FBXL7: variants seen among roughly 807,000 people sequenced by gnomAD.
FBXL7 encodes the protein F-box and leucine rich repeat protein 7, also known as F-box/LRR-repeat protein 7.
A neutral mutation model predicts 38.3 loss-of-function variants in FBXL7; 12 were observed. The observed-to-expected ratio is 0.31, with a 90% CI of 0.20 to 0.51. The LOEUF (loss-of-function observed/expected upper bound fraction) is 0.51. Among genes scored for constraint, FBXL7 ranks in the 20% least tolerant of loss-of-function variants. FBXL7 has a pLI of 0.98. For synonymous variants in FBXL7, 297 were observed against 300.9 expected (o/e 0.99, Z 0.13); for missense variants, 567 against 676.4 (o/e 0.84, Z 1.79).
chr5:15,744,487 C>T (rs1735965263), intron 2 of FBXL7, among the ~76,000 whole-genome samples: 1 of 152,172 alleles, frequency 6.6e-6, no homozygotes, highest in Non-Finnish European at 1.5e-5. Context: ...GACCATTCAA[C>T]AAGTCTCTAG....
chr5:15,617,506 G>C (rs369336947), intron 2 of FBXL7, among the ~76,000 whole-genome samples: 2 of 151,836 alleles, frequency 1.3e-5, no homozygotes, highest in African/African-American at 4.8e-5. Context: ...GCCCAGACTA[G>C]GGTGGAGTGC....
At chr5:15,921,023 G>A (rs142176981) in intron 2 of FBXL7, among the ~76,000 whole-genome samples, 16 of 151,968 alleles carry the variant, frequency 1.1e-4, no homozygotes, top group Non-Finnish European at 2.1e-4. Flanking sequence ...GTCTTTCCTC[G>A]AGAGGAAATT....
intron 2 of FBXL7, among the ~76,000 whole-genome samples, chr5:15,830,767 G>C (rs996381867): frequency 2.0e-5 from 3 of 152,114 alleles, no homozygotes; most frequent in Non-Finnish European, 2.9e-5. Flanking sequence ...GGCCAGTTTT[G>C]CTCCCTATTG....
chr5:15,899,784 G>T (rs1741190981), intron 2 of FBXL7, among the ~76,000 whole-genome samples: 1 of 152,130 alleles, frequency 6.6e-6, no homozygotes, highest in Non-Finnish European at 1.5e-5. Context: ...AGACCTTCCT[G>T]CAAATAACTG....
At chr5:15,519,238 G>C (rs779943388) in intron 1 of FBXL7, among the ~76,000 whole-genome samples, 1 of 152,068 alleles carries the variant, frequency 6.6e-6, no homozygotes, top group Non-Finnish European at 1.5e-5. Context: ...CAGCTACCTA[G>C]AGGCTGAGGC....
intron 2 of FBXL7, among the ~76,000 whole-genome samples, chr5:15,770,030 G>A (rs1736687257): frequency 1.3e-5 from 2 of 152,100 alleles, no homozygotes; most frequent in Admixed American, 1.3e-4. Flanking sequence ...TTTTACAATA[G>A]TATTGACTTT....
chr5:15,685,807 T>G (rs1742999016), intron 2 of FBXL7, among the ~76,000 whole-genome samples: 1 of 152,226 alleles, frequency 6.6e-6, no homozygotes, highest in Non-Finnish European at 1.5e-5. Flanking sequence ...AGCTTAGCAG[T>G]ATGCCTGGCA....
intron 2 of FBXL7, among the ~76,000 whole-genome samples, chr5:15,840,081 A>G (rs1487629435): frequency 1.3e-5 from 2 of 152,140 alleles, no homozygotes; most frequent in African/African-American, 4.8e-5. Context: ...ATTATTTCTT[A>G]GGCTGAAATG....
chr5:15,740,159 T>C (rs1396152816), intron 2 of FBXL7, among the ~76,000 whole-genome samples: 1 of 152,192 alleles, frequency 6.6e-6, no homozygotes, highest in Admixed American at 6.5e-5. Flanking sequence ...ACCCCATAAC[T>C]GCTTTCTTAG....
At chr5:15,607,590 C>G (rs940462796) in intron 1 of FBXL7, among the ~76,000 whole-genome samples, 2 of 152,126 alleles carry the variant, frequency 1.3e-5, no homozygotes, top group African/African-American at 4.8e-5. Context: ...AAGGACTCCC[C>G]ATTAAATGAA....
chr5:15,894,245 G>C (rs1741025364), intron 2 of FBXL7, among the ~76,000 whole-genome samples: 1 of 152,214 alleles, frequency 6.6e-6, no homozygotes, highest in South Asian at 2.1e-4. Context: ...TGGGCAACAA[G>C]AGTAAAACTC....
At chr5:15,731,497 A>G (rs1735582560) in intron 2 of FBXL7, among the ~76,000 whole-genome samples, 1 of 152,132 alleles carries the variant, frequency 6.6e-6, no homozygotes, top group African/African-American at 2.4e-5. Context: ...AACTCATGGG[A>G]ATTCTGGGAG....
At chr5:15,870,948 G>A (rs1032526469) in intron 2 of FBXL7, among the ~76,000 whole-genome samples, 15 of 152,192 alleles carry the variant, frequency 9.9e-5, no homozygotes, top group Non-Finnish European at 1.5e-4. Context: ...CCAGCACAGC[G>A]TTCAAGCTCT....
intron 2 of FBXL7, among the ~76,000 whole-genome samples, chr5:15,881,099 C>A (rs866684889): frequency 2.6e-5 from 4 of 151,886 alleles, no homozygotes; most frequent in Non-Finnish European, 5.9e-5. Flanking sequence ...TGAATAAGTT[C>A]TTTAGTGGTG....
At position 15,790,265 on chromosome 5, in the gene FBXL7, A is replaced by T. The variant is rs939490107; in HGVS notation, c.128-137625A>T. Among the ~76,000 whole-genome samples the T allele has an allele frequency of 2.6e-5, 4 of 152,246 alleles. No homozygotes were observed. The East Asian group carries it at 7.7e-4, about 29-fold the overall frequency. On this transcript the variant is annotated intron_variant, in intron 2 of 3. Coordinates refer to ENST00000504595, the MANE Select transcript of FBXL7 (RefSeq NM_012304.5). ...ATGCTGGTGTCTCTTAGGTAGATGGAAGCTTTCCTCTGAGCACAGAATCTG... is the reference window on the plus strand; with the variant it reads ...ATGCTGGTGTCTCTTAGGTAGATGGTAGCTTTCCTCTGAGCACAGAATCTG...
chr5:15,531,518 G>A (rs969737816), intron 1 of FBXL7, among the ~76,000 whole-genome samples: 2 of 152,182 alleles, frequency 1.3e-5, no homozygotes, highest in African/African-American at 4.8e-5. Flanking sequence ...TTTCAGGAAT[G>A]GCTGGTTGTT....
intron 2 of FBXL7, among the ~76,000 whole-genome samples, chr5:15,904,458 G>A (rs1433531927): frequency 6.6e-6 from 1 of 152,156 alleles, no homozygotes; most frequent in African/African-American, 2.4e-5. Flanking sequence ...TTATTAGATA[G>A]ATTATGGTTG....
chr5:15,685,331 G>A (rs1398823000), intron 2 of FBXL7, among the ~76,000 whole-genome samples: 1 of 152,148 alleles, frequency 6.6e-6, no homozygotes, highest in African/African-American at 2.4e-5. Flanking sequence ...TTTGTATAGA[G>A]GGTGTATAAT....
chr5:15,734,788 C>T (rs979225723), intron 2 of FBXL7, among the ~76,000 whole-genome samples: 3 of 152,220 alleles, frequency 2.0e-5, no homozygotes, highest in Non-Finnish European at 2.9e-5. Context: ...AAGGAGCACT[C>T]ATGTAGGTCT....
Sources: gnomAD v4.1 joint callset for allele counts (sites outside exome capture counted in the v4.1 genomes callset) on GRCh38, gnomAD v4.1.1 for gene constraint, MANE v1.5 for transcripts, NCBI Gene and HGNC (gene_info 2026-07-23, HGNC 2026-07-21) for gene names.